Variants in CHMP2B observed in about 807,000 individuals in gnomAD.
The protein encoded by CHMP2B is charged multivesicular body protein 2B.
Under a neutral mutation model 29.8 loss-of-function variants are expected in CHMP2B, and 22 were observed. That is an observed-to-expected ratio of 0.74 (90% CI 0.53 to 1.05). CHMP2B has a LOEUF of 1.05. CHMP2B is among the 50% of genes least tolerant of loss of function. CHMP2B has a pLI of 0.00. For missense variants in CHMP2B, 261 were observed against 252.2 expected (o/e 1.03, Z -0.24); for synonymous variants, 78 against 75.8 (o/e 1.03, Z -0.15).
intron 1 of CHMP2B, among the ~76,000 whole-genome samples, chr3:87,228,204 A>C (rs901413160): frequency 1.1e-4 from 17 of 152,214 alleles, no homozygotes; most frequent in Non-Finnish European, 2.1e-4. Flanking sequence ...TCTTCATAGA[A>C]GTTTAACATG....
At chr3:87,244,291 G>T (rs538611443) in intron 2 of CHMP2B, among the ~76,000 whole-genome samples, 1 of 151,556 alleles carries the variant, frequency 6.6e-6, no homozygotes, top group South Asian at 2.1e-4. Context: ...TTATCTGCCC[G>T]CCTCAGCCTC....
intron 1 of CHMP2B, among the ~76,000 whole-genome samples, chr3:87,229,140 A>G (rs570602718): frequency 6.6e-6 from 1 of 152,148 alleles, no homozygotes; most frequent in Non-Finnish European, 1.5e-5. Flanking sequence ...TACCTGTCAA[A>G]TATTTTCAAA....
chr3:87,246,616 A>G (rs1706217915), intron 3 of CHMP2B, among the ~76,000 whole-genome samples: 1 of 152,200 alleles, frequency 6.6e-6, no homozygotes, highest in South Asian at 2.1e-4. Context: ...ATGTGTGAGA[A>G]GGTCACATGA....
At chr3:87,252,295 C>A (rs2009491) in intron 4 of CHMP2B, among the ~76,000 whole-genome samples, 58,507 of 151,614 alleles carry the variant, frequency 0.39, 11,678 homozygotes, top group South Asian at 0.57. Context: ...GGAAATCACA[C>A]TAGGTTACCT....
rs1304085801 is a variant in CHMP2B at position 87,254,481 on chromosome 3, A to G, written c.*659A>G. 1 of 152,320 alleles carries G rather than the reference A, an allele frequency of 6.6e-6. No individual in the cohort carries two copies. The highest frequency in any genetic ancestry group is 1.5e-5 in the Non-Finnish European group (1 of 67,918). The allele number at this position is 152,320 out of a possible 1,614,324, so 9.4% of individuals were successfully genotyped here. ...AAATTATTTCAGCTGGCAGAAAAGA[A>G]TTACATTTAAAACTGAAATCAAGGC... On this transcript the variant is annotated 3_prime_UTR_variant, in exon 6 of 6. Transcript: ENST00000263780.
At chr3:87,227,851 A>G (rs1028387323) in intron 1 of CHMP2B, among the ~76,000 whole-genome samples, 4 of 152,184 alleles carry the variant, frequency 2.6e-5, no homozygotes, top group African/African-American at 9.6e-5. Flanking sequence ...TTGAGTGTCA[A>G]TAAACTTGGA....
intron 1 of CHMP2B, among the ~76,000 whole-genome samples, chr3:87,229,829 A>T (rs1705875441): frequency 6.6e-6 from 1 of 152,128 alleles, no homozygotes; most frequent in Non-Finnish European, 1.5e-5. Flanking sequence ...TATATACTGT[A>T]TCATTAAAGA....
chr3:87,227,580 G>A (rs771264230), intron 1 of CHMP2B, 24 bp downstream of exon 1: 9 of 1,613,988 alleles, frequency 5.6e-6, no homozygotes, highest in Non-Finnish European at 6.8e-6. Flanking sequence ...CGGGCTGAAG[G>A]GGCCCAGCTC....
intron 1 of CHMP2B, 34 bp from the exon 2 acceptor site, chr3:87,240,665 C>A: frequency 7.2e-7 from 1 of 1,394,424 alleles, no homozygotes; most frequent in Non-Finnish European, 1.0e-6. Flanking sequence ...ATTTTACAAC[C>A]CATAAATTTA....
chr3:87,233,011 T>C (rs1235685792), intron 1 of CHMP2B, among the ~76,000 whole-genome samples: 2 of 152,184 alleles, frequency 1.3e-5, no homozygotes, highest in African/African-American at 4.8e-5. Flanking sequence ...CTACCGCATA[T>C]GCTACTGTAG....
intron 4 of CHMP2B, among the ~76,000 whole-genome samples, chr3:87,250,291 G>A (rs571547285): frequency 5.9e-5 from 9 of 152,050 alleles, no homozygotes; most frequent in South Asian, 2.1e-4. Flanking sequence ...AGATTTGCCT[G>A]TATTAGAGGT....
chr3:87,253,522 A>G lies in CHMP2B; in HGVS notation c.531+12A>G, dbSNP rs1353306831. 3.2e-6 allele frequency: 5 copies of G among 1,539,520 alleles called. No homozygotes were observed. The highest frequency in any genetic ancestry group is 3.6e-6 in the Non-Finnish European group (4 of 1,112,830). On this transcript the variant is annotated intron_variant, in intron 5 of 5. Transcript: ENST00000263780. ...AAATTTCTGGAAAGGTATGAACATCATCTTTTCTTAGTTGGAAATAGTTTC... is the reference window on the plus strand; with the variant it reads ...AAATTTCTGGAAAGGTATGAACATCGTCTTTTCTTAGTTGGAAATAGTTTC...
intron 1 of CHMP2B, 93 bp from the exon 2 acceptor site, chr3:87,240,606 T>A: frequency 1.1e-6 from 1 of 940,726 alleles, no homozygotes; most frequent in Non-Finnish European, 1.7e-6. Flanking sequence ...CAATATAAGA[T>A]TTTTTTAAAT....
At position 87,255,045 on chromosome 3, in the gene CHMP2B, T is replaced by G. The variant is rs1272100447; in HGVS notation, c.*1223T>G. On this transcript the variant is annotated 3_prime_UTR_variant, in exon 6 of 6. Coordinates refer to ENST00000263780, the MANE Select transcript of CHMP2B (RefSeq NM_014043.4). Reference sequence around the variant, plus strand: ...AGTTAGAATAGAATTTAGGATTAGGTTAGTTTTGAAAAATGATGTTGTAAT... The same window carrying G: ...AGTTAGAATAGAATTTAGGATTAGGGTAGTTTTGAAAAATGATGTTGTAAT... 5 of 152,066 alleles carry G rather than the reference T, an allele frequency of 3.3e-5. 1 individual carries two copies. Among genetic ancestry groups the G allele is most frequent in the Middle Eastern group, 3.4e-3 (1 of 294 alleles). The allele number at this position is 152,066 out of a possible 1,614,324, so 9.4% of individuals were successfully genotyped here.
chr3:87,234,039 A>T (rs577278983), intron 1 of CHMP2B, among the ~76,000 whole-genome samples: 48 of 152,210 alleles, frequency 3.2e-4, no homozygotes, highest in African/African-American at 1.2e-3. Context: ...CTGCCTTGCA[A>T]ACTTGAGATA....
At chr3:87,249,034 G>A (rs911247971) in intron 3 of CHMP2B, among the ~76,000 whole-genome samples, 2 of 152,116 alleles carry the variant, frequency 1.3e-5, no homozygotes, top group African/African-American at 2.4e-5. Context: ...TCATCATTGT[G>A]TAAACATTAC....
At chr3:87,248,399 C>A (rs1706254338) in intron 3 of CHMP2B, among the ~76,000 whole-genome samples, 1 of 151,520 alleles carries the variant, frequency 6.6e-6, no homozygotes, top group Admixed American at 6.6e-5. Flanking sequence ...GCTCTGTTGC[C>A]CAGGCTGGAG....
intron 3 of CHMP2B, among the ~76,000 whole-genome samples, chr3:87,246,897 T>C (rs187197913): frequency 6.6e-6 from 1 of 152,312 alleles, no homozygotes; most frequent in East Asian, 1.9e-4. Context: ...ATATCAGTCA[T>C]GCTAAGCTTT....
chr3:87,246,020 T>C, intron 3 of CHMP2B, 112 bp downstream of exon 3: 1 of 804,092 alleles, frequency 1.2e-6, no homozygotes, highest in Non-Finnish European at 2.0e-6. Flanking sequence ...ATACAAAATG[T>C]GTGTAATTTT....
Sources: allele counts gnomAD v4.1 joint callset (sites outside exome capture counted in the v4.1 genomes callset), GRCh38; gene constraint gnomAD v4.1.1; transcripts MANE v1.5; gene names NCBI Gene and HGNC (gene_info 2026-07-23, HGNC 2026-07-21).